The following GCLC variants were observed in gnomAD, a reference collection of about 807,000 sequenced individuals.
The protein encoded by GCLC is glutamate--cysteine ligase catalytic subunit.
A neutral mutation model predicts 81.5 loss-of-function variants in GCLC; 30 were observed. The observed-to-expected ratio is 0.37, with a 90% confidence interval of 0.28 to 0.50. GCLC has a LOEUF of 0.50. Ranked by LOEUF, GCLC falls within the 20% of genes least tolerant of loss-of-function variation. The pLI, the probability that GCLC is intolerant of heterozygous loss-of-function variation, is 0.96. For synonymous variants in GCLC, 262 were observed against 273.3 expected, an observed-to-expected ratio of 0.96 and a Z score of 0.41; for missense variants, 556 against 777.4, an observed-to-expected ratio of 0.72 and a Z score of 3.39.
At chr6:53,522,243 A>C (rs1487641504) in intron 2 of GCLC, among the ~76,000 whole-genome samples, 172 bp downstream of exon 2, 2 of 152,226 alleles carry the variant, frequency 1.3e-5, no homozygotes, top group Non-Finnish European at 2.9e-5. Context: ...AACTTGCCCA[A>C]GGTTATTCAG....
At position 53,508,660 on chromosome 6, in the gene GCLC, C is replaced by G; in HGVS notation, c.880G>C (p.Asp294His). 1 of 1,613,984 alleles carries G rather than the reference C, an allele frequency of 6.2e-7. No individual in the cohort carries two copies. The highest frequency in any genetic ancestry group is 8.5e-7 in the Non-Finnish European group (1 of 1,179,862). ...GCAGAAATCACTCCCCAGCGACAATCAATGTCTGACACATAGCCTCGGTAA... is the reference window on the plus strand; with the variant it reads ...GCAGAAATCACTCCCCAGCGACAATGAATGTCTGACACATAGCCTCGGTAA... Reference protein sequence around the residue: ...PFYRGYVSDIDCRWGVISASV... With the variant: ...PFYRGYVSDIHCRWGVISASV... The change falls in exon 8 of 16, where the codon GAT (aspartate) becomes CAT (histidine). Residue 294 changes from aspartate (D) to histidine (H), a missense_variant. Asp to His is a moderately conservative substitution (Grantham distance 81). Transcript: ENST00000650454.
chr6:53,524,960 C>T (rs12524708), intron 1 of GCLC, among the ~76,000 whole-genome samples: 2,195 of 152,230 alleles, frequency 0.014, 25 homozygotes, highest in Middle Eastern at 0.085. Flanking sequence ...AAATGCCAAA[C>T]GGATGACATT....
rs201096832 is a variant in GCLC at position 53,515,078 on chromosome 6, C to CA, written c.561-582dup. ...TACACCAGATTTTGAAGACTCCGTA[C>CA]AAAAAAAATGTAAAATTACTTGTGA... On this transcript the variant is annotated intron_variant, in intron 4 of 15. Coordinates refer to ENST00000650454, the MANE Select transcript of GCLC (RefSeq NM_001498.4). Among the ~76,000 whole-genome samples, 756 of 151,496 alleles carry CA rather than the reference C, an allele frequency of 5.0e-3. 10 individuals carry two copies. The highest frequency in any genetic ancestry group is 0.017 in the African/African-American group (712 of 41,318).
rs146857153 is a variant in GCLC, at chr6:53,527,657, C to T, written c.151-5130G>A. Among the ~76,000 whole-genome samples, 34 of 152,298 alleles carry T rather than the reference C, an allele frequency of 2.2e-4. No individual in the cohort carries two copies. The East Asian group carries it at 2.3e-3, about 10-fold the overall frequency. On this transcript the variant is annotated intron_variant, in intron 1 of 15. Coordinates refer to ENST00000650454, the MANE Select transcript of GCLC (RefSeq NM_001498.4). ...ACACGCTATTGCTGAATTATCTGAA[C>T]GAGTGCTCAAAATGACCAAAGAGAG... is the stretch of plus-strand genomic sequence containing the variant.
rs777629331 is a variant in GCLC, at chr6:53,506,891, A to G, written c.1197+22T>C. ...CTCAGAAGTCAATACATAAATAAAT[A>G]AAAATAAAACTGAGAAGATACCTCA... On this transcript the variant is annotated intron_variant, in intron 10 of 15. Transcript: ENST00000650454. This position sits in a 1 kb window ranked among gnomAD's most constrained non-coding sequence, Gnocchi z 4.0. The G allele has an allele frequency of 1.6e-6, 2 of 1,221,704 alleles. No homozygotes were observed. Among genetic ancestry groups the G allele is most frequent in the African/African-American group, 1.5e-5 (1 of 67,094 alleles). The allele number at this position is 1,221,704 out of a possible 1,614,324, so 75.7% of individuals were successfully genotyped here. A position where few individuals can be genotyped will look rare whatever the true frequency, so the allele number is the denominator to read the frequency against.
At position 53,500,106 on chromosome 6, in the gene GCLC, C is replaced by G. The variant is rs888631025; in HGVS notation, c.1641G>C (p.Val547=). 1.9e-6 allele frequency: 3 copies of G among 1,611,124 alleles called. No individual in the cohort carries two copies. The highest frequency in any genetic ancestry group is 2.5e-6 in the Non-Finnish European group (3 of 1,177,402). ...GAATACTACATCTGGTGTCCACATC[C>G]ACTTCCATGTTTTCAAGGTAAGAGT... ...ILNSYLENME[V]DVDTRCSILN... Residue 547 remains valine (V), a synonymous_variant, in exon 15 of 16, where the codon GTG becomes GTC. Transcript: ENST00000650454.
In GCLC at chr6:53,516,198, C is replaced by A; in HGVS notation, c.471G>T (p.Leu157=). 6.2e-7 allele frequency: 1 copy of A among 1,611,544 alleles called. No homozygotes were observed. The highest frequency in any genetic ancestry group is 8.5e-7 in the Non-Finnish European group (1 of 1,177,654). The change falls in exon 4 of 16, where the codon CTG becomes CTT. Residue 157 remains leucine (L), a synonymous_variant. Transcript: ENST00000650454. ...FPRLGCPGFT[L]PEVKPNPVEG... ...CCACTGGGTTGGGTTTGACCTCGGG[C>A]AGTGTGAACCCAGGACAGCCTAATC... is the stretch of plus-strand genomic sequence containing the variant.
Position 53,498,269 on chromosome 6 carries a change from C to T in GCLC, c.*487G>A. Reference sequence around the variant, plus strand: ...CCCAAGATTACCCTTGAAGCACTTTCAATGGATTCAAGTGATTTAATGTAG... The same window carrying T: ...CCCAAGATTACCCTTGAAGCACTTTTAATGGATTCAAGTGATTTAATGTAG... On this transcript the variant is annotated 3_prime_UTR_variant, in exon 16 of 16. Transcript: ENST00000650454. 6.2e-6 allele frequency: 1 copy of T among 161,682 alleles called. No homozygotes were observed. Among genetic ancestry groups the T allele is most frequent in the South Asian group, 1.7e-4 (1 of 5,828 alleles). The allele number at this position is 161,682 out of a possible 1,614,324, so 10.0% of individuals were successfully genotyped here.
chr6:53,499,668 G>A (rs1451251619), intron 15 of GCLC, among the ~76,000 whole-genome samples: 1 of 152,150 alleles, frequency 6.6e-6, no homozygotes, highest in East Asian at 1.9e-4. Flanking sequence ...CTCACTGTAT[G>A]TACAAAGGCA....
At chr6:53,536,296 T>C (rs753870717) in intron 1 of GCLC, among the ~76,000 whole-genome samples, 1 of 152,314 alleles carries the variant, frequency 6.6e-6, no homozygotes, top group East Asian at 1.9e-4. Context: ...ATCAGCTGCA[T>C]GGGATGGCCA....
rs1764391918 is a variant in GCLC, at chr6:53,497,476, A to G, written c.*1280T>C. 6.6e-6 allele frequency: 1 copy of G among 152,260 alleles called. No homozygotes were observed. Among genetic ancestry groups the G allele is most frequent in the African/African-American group, 2.4e-5 (1 of 41,466 alleles). 9.4% of individuals were successfully genotyped at this position (152,260 alleles called of 1,614,324 possible). On this transcript the variant is annotated 3_prime_UTR_variant, in exon 16 of 16. Transcript: ENST00000650454. ...GGCATTCTTTAATCATCCAAAATGC[A>G]TGTATAAAATATAGAACAAACCCTA...
chr6:53,499,686 GAA>G (rs1764464944), intron 15 of GCLC, among the ~76,000 whole-genome samples: 2 of 152,142 alleles, frequency 1.3e-5, no homozygotes, highest in Admixed American at 1.3e-4. Flanking sequence ...GCAGGCTAAA[GAA>G]CTGTTCAGCT....
intron 1 of GCLC, among the ~76,000 whole-genome samples, chr6:53,525,368 C>T (rs957607587): frequency 2.6e-5 from 4 of 152,134 alleles, no homozygotes; most frequent in African/African-American, 9.7e-5. Context: ...GGGTTTGACG[C>T]AATAACCGAG....
At chr6:53,540,622 A>G (rs1289447097) in intron 1 of GCLC, among the ~76,000 whole-genome samples, 1 of 151,632 alleles carries the variant, frequency 6.6e-6, no homozygotes, top group East Asian at 1.9e-4. Flanking sequence ...ATATTTGTGC[A>G]CTTAAAAATC....
chr6:53,539,174 T>C (rs1487801884), intron 1 of GCLC, among the ~76,000 whole-genome samples: 1 of 152,244 alleles, frequency 6.6e-6, no homozygotes, highest in Non-Finnish European at 1.5e-5. Flanking sequence ...GCATGTGAAC[T>C]GTGCAGAAGG....
intron 11 of GCLC, 30 bp downstream of exon 11, chr6:53,505,773 A>G (rs1318934264): frequency 8.0e-7 from 1 of 1,246,532 alleles, no homozygotes; most frequent in African/African-American, 1.5e-5. Context: ...AGTACTTTTG[A>G]GTCAGTTCTT....
At chr6:53,528,068 T>C (rs1561948609) in intron 1 of GCLC, among the ~76,000 whole-genome samples, 1 of 152,150 alleles carries the variant, frequency 6.6e-6, no homozygotes, top group Non-Finnish European at 1.5e-5. Flanking sequence ...ATCTCAACCA[T>C]CAAGTTGGAT....
At chr6:53,529,181 G>A (rs907787194) in intron 1 of GCLC, among the ~76,000 whole-genome samples, 2 of 152,168 alleles carry the variant, frequency 1.3e-5, no homozygotes, top group Admixed American at 6.5e-5. Flanking sequence ...AAACCCAAGA[G>A]AAAACACAAT....
At chr6:53,510,998 G>A (rs1306981096) in intron 6 of GCLC, among the ~76,000 whole-genome samples, 1 of 152,188 alleles carries the variant, frequency 6.6e-6, no homozygotes, top group African/African-American at 2.4e-5. Flanking sequence ...GTGGGAACTT[G>A]GAAATCGCTT....
Sources: allele counts gnomAD v4.1 joint callset (sites outside exome capture counted in the v4.1 genomes callset), GRCh38; gene constraint gnomAD v4.1.1; non-coding constraint Gnocchi (gnomAD v3.1); transcripts MANE v1.5; gene names NCBI Gene and HGNC (gene_info 2026-07-23, HGNC 2026-07-21).